RNF17: variants seen among roughly 807,000 people sequenced by gnomAD.
The protein encoded by RNF17 is ring finger protein 17, also known as spermatogenesis associated 23.
In RNF17, 31 loss-of-function variants were observed where a neutral mutation model predicts 200.5. That is an observed-to-expected ratio of 0.15 (90% CI 0.12 to 0.21). RNF17 has a LOEUF of 0.21. Ranked by LOEUF, RNF17 falls within the 10% of genes least tolerant of loss-of-function variation. The pLI, the probability that RNF17 is intolerant of heterozygous loss-of-function variation, is 1.00. For synonymous variants in RNF17, 606 were observed against 637.8 expected, an observed-to-expected ratio of 0.95 and a Z score of 0.75; for missense variants, 1,628 against 1,905.1, an observed-to-expected ratio of 0.85 and a Z score of 2.71.
In RNF17 at chr13:24,802,720, A is replaced by AGTT. The variant is rs991476129; in HGVS notation, c.1949+155_1949+157dup. 2.4e-5 allele frequency: 14 copies of AGTT among 591,310 alleles called. No homozygotes were observed. The African/African-American group carries it at 2.5e-4, about 10-fold the overall frequency. 36.6% of individuals were successfully genotyped at this position (591,310 alleles called of 1,614,324 possible). On this transcript the variant is annotated intron_variant, in intron 14 of 35. Coordinates refer to ENST00000255324, the MANE Select transcript of RNF17 (RefSeq NM_031277.3). ...ATTGCTCTTAGACTTTTCTGAGTAC[A>AGTT]GTTGTTGTCTGTGAAAACTGGATTC...
intron 30 of RNF17, among the ~76,000 whole-genome samples, chr13:24,867,831 T>C (rs2100143118): frequency 1.3e-5 from 2 of 152,042 alleles, no homozygotes; most frequent in South Asian, 4.2e-4. Context: ...GCACACCTTT[T>C]TGATGATTTT....
intron 15 of RNF17, among the ~76,000 whole-genome samples, chr13:24,805,528 A>G (rs1321891515): frequency 1.3e-5 from 2 of 152,216 alleles, no homozygotes; most frequent in Non-Finnish European, 2.9e-5. Flanking sequence ...ATGTATCAGA[A>G]TTTCATTCCT....
At chr13:24,795,735 T>A (rs1173818022) in intron 10 of RNF17, among the ~76,000 whole-genome samples, 1 of 152,172 alleles carries the variant, frequency 6.6e-6, no homozygotes, top group Non-Finnish European at 1.5e-5. Flanking sequence ...TGGAACTGGC[T>A]TTTGTAGGTT....
intron 14 of RNF17, chr13:24,803,968 A>G (rs1885548890): frequency 3.7e-6 from 1 of 270,730 alleles, no homozygotes; most frequent in Non-Finnish European, 7.0e-6. Flanking sequence ...CACTGAGAGA[A>G]AAGAGACTAA....
chr13:24,866,209 T>C lies in RNF17; in HGVS notation c.4161+6T>C. 1 of 1,509,244 alleles carries C rather than the reference T, an allele frequency of 6.6e-7. No homozygotes were observed. The highest frequency in any genetic ancestry group is 9.2e-7 in the Non-Finnish European group (1 of 1,089,374). The allele number at this position is 1,509,244 out of a possible 1,614,324, so 93.5% of individuals were successfully genotyped here. Reference sequence around the variant, plus strand: ...AATGGGAAATAAGGTTTGAGGTAAGTAACAATCCAAGTATTTTGGAAACTT... The same window carrying C: ...AATGGGAAATAAGGTTTGAGGTAAGCAACAATCCAAGTATTTTGGAAACTT... On this transcript the variant is annotated splice_donor_region_variant and intron_variant, in intron 30 of 35. Coordinates refer to ENST00000255324, the MANE Select transcript of RNF17 (RefSeq NM_031277.3).
intron 25 of RNF17, among the ~76,000 whole-genome samples, chr13:24,857,527 A>G (rs1343968138): frequency 6.6e-6 from 1 of 152,138 alleles, no homozygotes; most frequent in Non-Finnish European, 1.5e-5. Context: ...TCACCTTGGC[A>G]CTAAGATGCT....
chr13:24,871,029 T>C (rs1393895436), intron 32 of RNF17, among the ~76,000 whole-genome samples: 1 of 152,210 alleles, frequency 6.6e-6, no homozygotes, highest in Non-Finnish European at 1.5e-5. Flanking sequence ...AAGTTTGAGG[T>C]TATCAGTAGC....
intron 18 of RNF17, 50 bp from the exon 19 acceptor site, chr13:24,841,991 T>G (rs756163385): frequency 6.5e-7 from 1 of 1,540,816 alleles, no homozygotes; most frequent in South Asian, 1.2e-5. Context: ...CCTCATTTAC[T>G]ATATTTTGTG....
At position 24,865,133 on chromosome 13, in the gene RNF17, T is replaced by C. The variant is rs919569921; in HGVS notation, c.4101+135T>C. The C allele has an allele frequency of 8.2e-6, 5 of 611,620 alleles. No homozygotes were observed. The Admixed American group carries it at 1.8e-4, about 21-fold the overall frequency. 37.9% of individuals were successfully genotyped at this position (611,620 alleles called of 1,614,324 possible). A position where few individuals can be genotyped will look rare whatever the true frequency, so the allele number is the denominator to read the frequency against. ...TAAGAGAGTCTAGAGGACTTACACATTTTTGCTGAGAAAGATGAATAGGCT... is the reference window on the plus strand; with the variant it reads ...TAAGAGAGTCTAGAGGACTTACACACTTTTGCTGAGAAAGATGAATAGGCT... On this transcript the variant is annotated intron_variant, in intron 29 of 35. Coordinates refer to ENST00000255324, the MANE Select transcript of RNF17 (RefSeq NM_031277.3).
intron 15 of RNF17, among the ~76,000 whole-genome samples, chr13:24,821,818 T>A (rs1355899696): frequency 1.3e-5 from 2 of 152,106 alleles, no homozygotes; most frequent in South Asian, 4.1e-4. Flanking sequence ...ATTTGCATTT[T>A]TTTTCTGGTT....
At chr13:24,766,003 G>A (rs1356124440) in intron 1 of RNF17, among the ~76,000 whole-genome samples, 5 of 152,152 alleles carry the variant, frequency 3.3e-5, no homozygotes, top group African/African-American at 1.2e-4. Context: ...CGAGGTGGGC[G>A]GATCACTTGA....
chr13:24,867,394 T>C (rs1893747794), intron 30 of RNF17, among the ~76,000 whole-genome samples: 1 of 152,208 alleles, frequency 6.6e-6, no homozygotes, highest in Non-Finnish European at 1.5e-5. Context: ...GTCCAATTTA[T>C]CTGTTTTTTT....
At chr13:24,766,799 A>C (rs918469740) in intron 1 of RNF17, among the ~76,000 whole-genome samples, 5 of 152,256 alleles carry the variant, frequency 3.3e-5, no homozygotes, top group African/African-American at 9.6e-5. Context: ...TTTGTGTAAG[A>C]TATGGCAGAT....
chr13:24,771,352 G>GA (rs1566113550), intron 2 of RNF17, among the ~76,000 whole-genome samples: 5 of 68,190 alleles, frequency 7.3e-5, no homozygotes, highest in East Asian at 5.8e-4. Flanking sequence ...TTTTTTTTTG[G>GA]AAGAGGTGAA....
At chr13:24,782,094 A>G (rs1882459260) in intron 6 of RNF17, 150 bp downstream of exon 6, 1 of 645,314 alleles carries the variant, frequency 1.5e-6, no homozygotes. Context: ...GGTAGTCCCT[A>G]CAGACTGATC....
intron 15 of RNF17, among the ~76,000 whole-genome samples, chr13:24,805,881 A>G (rs35054348): frequency 0.42 from 63,226 of 151,514 alleles, 13,205 homozygotes; most frequent in Admixed American, 0.45. Context: ...TTTCTTTTTT[A>G]AATAACATTC....
chr13:24,830,445 T>C, intron 16 of RNF17, 39 bp from the exon 17 acceptor site: 3 of 1,289,142 alleles, frequency 2.3e-6, no homozygotes, highest in Non-Finnish European at 3.3e-6. Flanking sequence ...GATAATTCTG[T>C]TTCCAAGTTT....
At chr13:24,843,694 A>C (rs916955439) in intron 19 of RNF17, 50 bp from the exon 20 acceptor site, 1 of 1,134,098 alleles carries the variant, frequency 8.8e-7, no homozygotes, top group Non-Finnish European at 1.3e-6. Context: ...AGCAAATGCA[A>C]ACAAATATTT....
At chr13:24,819,906 A>T (rs2137910206) in intron 15 of RNF17, among the ~76,000 whole-genome samples, 1 of 152,174 alleles carries the variant, frequency 6.6e-6, no homozygotes, top group Middle Eastern at 3.4e-3. Context: ...TTCCATTAGC[A>T]TTTCTTACAG....
Sources: gnomAD v4.1 joint callset for allele counts (sites outside exome capture counted in the v4.1 genomes callset) on GRCh38, gnomAD v4.1.1 for gene constraint, MANE v1.5 for transcripts, NCBI Gene and HGNC (gene_info 2026-07-23, HGNC 2026-07-21) for gene names.